The following CPED1 variants were observed in gnomAD, a reference collection of about 807,000 sequenced individuals.
CPED1 encodes the protein cadherin like and PC-esterase domain containing 1.
Under a neutral mutation model 128.2 loss-of-function variants are expected in CPED1, and 114 were observed. The ratio of observed to expected loss-of-function variants is 0.89; its 90% CI spans 0.76 to 1.04. The LOEUF is 1.04. Among genes scored for constraint, CPED1 ranks in the 50% least tolerant of loss-of-function variants. CPED1 has a pLI of 0.00. For missense variants in CPED1, 1,211 were observed against 1,207.1 expected, an observed-to-expected ratio of 1.00 and a Z score of -0.05; for synonymous variants, 462 against 426.7, an observed-to-expected ratio of 1.08 and a Z score of -1.02.
intron 16 of CPED1, among the ~76,000 whole-genome samples, chr7:121,150,833 G>T (rs933050676): frequency 6.6e-6 from 1 of 151,998 alleles, no homozygotes; most frequent in African/African-American, 2.4e-5. Flanking sequence ...CAATGGCACA[G>T]TCTTGGCTCA....
intron 3 of CPED1, among the ~76,000 whole-genome samples, chr7:121,027,357 A>G (rs1200391757): frequency 6.6e-6 from 1 of 152,110 alleles, no homozygotes; most frequent in Non-Finnish European, 1.5e-5. Flanking sequence ...GGAGTATTTC[A>G]TTCATCTATT....
At chr7:121,180,660 C>G (rs1345567214) in intron 16 of CPED1, among the ~76,000 whole-genome samples, 1 of 151,890 alleles carries the variant, frequency 6.6e-6, no homozygotes, top group Non-Finnish European at 1.5e-5. Flanking sequence ...ATCAATTTTT[C>G]TTTGCTACAC....
At position 121,217,236 on chromosome 7, in the gene CPED1, G is replaced by A. The variant is rs528847754; in HGVS notation, c.2056-19478G>A. ...GCCACTATGCCTGGCCACAGTTTTT[G>A]CCTCCTCCTTTCCACAAGGGCAGGG... On this transcript the variant is annotated intron_variant, in intron 16 of 22. Transcript: ENST00000310396. Among the ~76,000 whole-genome samples the A allele has an allele frequency of 2.0e-5, 3 of 151,778 alleles. No individual in the cohort carries two copies. The South Asian group carries it at 6.2e-4, about 32-fold the overall frequency.
chr7:121,023,586 A>G (rs1792496388), intron 3 of CPED1, among the ~76,000 whole-genome samples: 1 of 152,162 alleles, frequency 6.6e-6, no homozygotes, highest in Non-Finnish European at 1.5e-5. Context: ...GCAGGGATTC[A>G]TTTTCTTTAG....
At chr7:121,131,116 G>T (rs1795654667) in intron 12 of CPED1, among the ~76,000 whole-genome samples, 1 of 152,084 alleles carries the variant, frequency 6.6e-6, no homozygotes, top group South Asian at 2.1e-4. Flanking sequence ...GTCACCCTAG[G>T]CCATGGCTTC....
At chr7:121,116,510 A>T (rs1204173749) in intron 7 of CPED1, among the ~76,000 whole-genome samples, 1 of 152,214 alleles carries the variant, frequency 6.6e-6, no homozygotes, top group Non-Finnish European at 1.5e-5. Context: ...TAATTAGGCT[A>T]CATAAATTCT....
At chr7:121,216,733 T>C (rs1341360405) in intron 16 of CPED1, among the ~76,000 whole-genome samples, 1 of 152,040 alleles carries the variant, frequency 6.6e-6, no homozygotes, top group African/African-American at 2.4e-5. Context: ...AGACAAATTA[T>C]GTGCCATATC....
Position 121,140,994 on chromosome 7 carries a change from T to C in CPED1, c.1867T>C (p.Tyr623His), listed in dbSNP as rs752237662. The C allele has an allele frequency of 1.2e-6, 2 of 1,610,620 alleles. No individual in the cohort carries two copies. The highest frequency in any genetic ancestry group is 1.7e-6 in the Non-Finnish European group (2 of 1,178,604). The change falls in exon 15 of 23, where the codon TAC (tyrosine) becomes CAC (histidine). Residue 623 changes from tyrosine to histidine, a missense_variant. Coordinates refer to ENST00000310396, the MANE Select transcript of CPED1 (RefSeq NM_024913.5). ...TAAGTGTCTGTGCAAGGTGCACCTG[T>C]ACGAGCAGGCAGGGCCAAGGTATGA... Reference protein sequence around the residue: ...TPKCLCKVHLYEQAGPSFASY... With the variant: ...TPKCLCKVHLHEQAGPSFASY...
chr7:121,075,742 T>C (rs765959981), intron 5 of CPED1, among the ~76,000 whole-genome samples: 1 of 152,214 alleles, frequency 6.6e-6, no homozygotes, highest in East Asian at 1.9e-4. Context: ...GTAAGATTTA[T>C]GTACATTGCA....
intron 16 of CPED1, among the ~76,000 whole-genome samples, chr7:121,191,346 A>G (rs939072303): frequency 6.6e-6 from 1 of 152,144 alleles, no homozygotes; most frequent in Admixed American, 6.6e-5. Context: ...GCAATTAAGC[A>G]TATTAGAGGA....
chr7:121,141,008 G>T lies in CPED1; in HGVS notation c.1881G>T (p.Gly627=). Residue 627 remains glycine (G), a synonymous_variant, in exon 15 of 23, where the codon GGG becomes GGT. Transcript: ENST00000310396. ...AGGTGCACCTGTACGAGCAGGCAGGGCCAAGGTATGAGATGTTGACTGGGG... is the reference window on the plus strand; with the variant it reads ...AGGTGCACCTGTACGAGCAGGCAGGTCCAAGGTATGAGATGTTGACTGGGG... The part of the protein sequence containing the change: ...LCKVHLYEQA[G]PSFASYPLGL... 1 of 1,608,380 alleles carries T rather than the reference G, an allele frequency of 6.2e-7. No individual in the cohort carries two copies. The highest frequency in any genetic ancestry group is 8.5e-7 in the Non-Finnish European group (1 of 1,177,974).
intron 22 of CPED1, among the ~76,000 whole-genome samples, chr7:121,291,309 T>C (rs1322252982): frequency 1.3e-5 from 2 of 152,194 alleles, no homozygotes; most frequent in African/African-American, 4.8e-5. Context: ...TCATATGAAA[T>C]TTAAAGTAGT....
intron 2 of CPED1, among the ~76,000 whole-genome samples, chr7:120,999,152 C>T (rs929427691): frequency 6.6e-6 from 1 of 152,052 alleles, no homozygotes; most frequent in African/African-American, 2.4e-5. Flanking sequence ...AGAGGAACTC[C>T]TTCTCCCTCT....
At chr7:121,234,238 A>G (rs1255164061) in intron 16 of CPED1, among the ~76,000 whole-genome samples, 1 of 152,010 alleles carries the variant, frequency 6.6e-6, no homozygotes, top group Non-Finnish European at 1.5e-5. Flanking sequence ...AGCTTACCTA[A>G]TGCAATTCTT....
At chr7:121,050,946 A>C (rs2116917105) in intron 4 of CPED1, 1 of 496,682 alleles carries the variant, frequency 2.0e-6, no homozygotes, top group East Asian at 5.9e-5. Flanking sequence ...CCATCAAGGA[A>C]GAGCCCAAGA....
intron 4 of CPED1, chr7:121,051,306 A>C (rs1793345751): frequency 2.2e-6 from 1 of 459,270 alleles, no homozygotes; most frequent in African/African-American, 2.0e-5. Context: ...GTTTTTTAGT[A>C]GCTCTAGAAA....
intron 22 of CPED1, among the ~76,000 whole-genome samples, chr7:121,293,216 G>T (rs749466724): frequency 6.6e-6 from 1 of 152,152 alleles, no homozygotes; most frequent in Non-Finnish European, 1.5e-5. Context: ...GAGATGCCCC[G>T]CCCAGAGAGG....
intron 18 of CPED1, among the ~76,000 whole-genome samples, chr7:121,247,843 CAAG>C (rs1350419199): frequency 6.6e-6 from 1 of 152,166 alleles, no homozygotes; most frequent in African/African-American, 2.4e-5. Flanking sequence ...TATCTCCCTC[CAAG>C]AAGTTTTATC....
intron 3 of CPED1, among the ~76,000 whole-genome samples, chr7:121,044,714 G>A (rs148452117): frequency 6.4e-4 from 72 of 112,386 alleles, no homozygotes; most frequent in African/African-American, 2.1e-3. Flanking sequence ...GTTCACAGAA[G>A]GTTCTTTATA....
Sources: allele counts gnomAD v4.1 joint callset (sites outside exome capture counted in the v4.1 genomes callset), GRCh38; gene constraint gnomAD v4.1.1; transcripts MANE v1.5; gene names NCBI Gene and HGNC (gene_info 2026-07-23, HGNC 2026-07-21).